EVA1A: variants seen among roughly 807,000 people sequenced by gnomAD.
EVA1A encodes eva-1 homolog A, regulator of programmed cell death, also known as protein eva-1 homolog A.
EVA1A carries 7 observed loss-of-function variants against 9.8 expected under a neutral mutation model. That is an observed-to-expected ratio of 0.71 (90% CI 0.41 to 1.34). EVA1A has a LOEUF of 1.34. Ranked by LOEUF, EVA1A falls within the 40% of genes most tolerant of loss-of-function variation. EVA1A has a pLI of 0.01. For synonymous variants in EVA1A, 90 were observed against 85.6 expected (o/e 1.05, Z -0.28); for missense variants, 206 against 205.9 (o/e 1.00, Z 0.00).
chr2:75,498,789 C>T (rs1205158916), intron 3 of EVA1A, among the ~76,000 whole-genome samples: 1 of 137,714 alleles, frequency 7.3e-6, no homozygotes, highest in Non-Finnish European at 1.5e-5. Flanking sequence ...TTTAAATTTG[C>T]ACCACACACA....
Position 75,517,698 on chromosome 2 carries a change from G to C in EVA1A, c.85+358C>G, listed in dbSNP as rs556481818. 2.0e-4 allele frequency: 132 copies of C among 672,528 alleles called. No homozygotes were observed. The African/African-American group carries it at 2.2e-3, about 11-fold the overall frequency. The allele number at this position is 672,528 out of a possible 1,614,324, so 41.7% of individuals were successfully genotyped here. On this transcript the variant is annotated intron_variant, in intron 3 of 3. Coordinates refer to ENST00000393913, the MANE Select transcript of EVA1A (RefSeq NM_001135032.2). Reference sequence around the variant, plus strand: ...AGTCTCACACACAGGCAGCCTGTGTGAGGTTAACTGCATAGAATAACCAGG... The same window carrying C: ...AGTCTCACACACAGGCAGCCTGTGTCAGGTTAACTGCATAGAATAACCAGG...
intron 3 of EVA1A, among the ~76,000 whole-genome samples, chr2:75,502,556 A>G (rs1674467704): frequency 6.6e-6 from 1 of 152,246 alleles, no homozygotes; most frequent in Admixed American, 6.5e-5. Context: ...GCACAAAGAG[A>G]CATAGATATG....
Position 75,533,546 on chromosome 2 carries a change from A to G in EVA1A, c.-191-11059T>C, listed in dbSNP as rs961705263. On this transcript the variant is annotated intron_variant, in intron 1 of 3. Coordinates refer to ENST00000393913, the MANE Select transcript of EVA1A (RefSeq NM_001135032.2). ...AGATATCAAGAAAGAAGAAAGCACA[A>G]ATATAGGTAAATACAATAGGCTTTC... Among the ~76,000 whole-genome samples the G allele has an allele frequency of 2.6e-5, 4 of 152,194 alleles. No individual in the cohort carries two copies. The South Asian group carries it at 8.3e-4, about 32-fold the overall frequency.
intron 2 of EVA1A, among the ~76,000 whole-genome samples, chr2:75,521,152 A>G (rs1162934307): frequency 6.6e-6 from 1 of 152,236 alleles, no homozygotes; most frequent in Admixed American, 6.5e-5. Context: ...CAAAACCACA[A>G]TGAAATATCA....
At chr2:75,507,753 G>T (rs1289614497) in intron 3 of EVA1A, among the ~76,000 whole-genome samples, 2 of 152,146 alleles carry the variant, frequency 1.3e-5, no homozygotes, top group Admixed American at 6.5e-5. Flanking sequence ...AGAGCTGCAG[G>T]TTCAGAATGG....
Position 75,493,194 on chromosome 2 carries a change from T to C in EVA1A, c.*42A>G. The C allele has an allele frequency of 1.3e-6, 2 of 1,568,910 alleles. No homozygotes were observed. The highest frequency in any genetic ancestry group is 8.6e-7 in the Non-Finnish European group (1 of 1,157,420). ...CCCACTGTCCCTGCAGACGCTCTCC[T>C]TTCCAGGCGGCCTCCAGTGGTTTCC... On this transcript the variant is annotated 3_prime_UTR_variant, in exon 4 of 4. Transcript: ENST00000393913.
Position 75,493,412 on chromosome 2 carries a change from G to T in EVA1A, c.283C>A (p.Leu95Ile), listed in dbSNP as rs772978200. ...AAGCGGCGGTGTCTCCGCACGGAGA[G>T]ATCGGACACGGTGTCCTCACTGCCA... ...EDGSEDTVSD[L>I]SVRRHRRFER... Residue 95 changes from leucine to isoleucine, a missense_variant, in exon 4 of 4, where the codon CTC becomes ATC. Transcript: ENST00000393913. 23 of 1,614,244 alleles carry T rather than the reference G, an allele frequency of 1.4e-5. No homozygotes were observed. The South Asian group carries it at 2.4e-4, about 17-fold the overall frequency.
At position 75,492,996 on chromosome 2, in the gene EVA1A, A is replaced by C; in HGVS notation, c.*240T>G. The C allele has an allele frequency of 1.8e-6, 1 of 548,744 alleles. No homozygotes were observed. Among genetic ancestry groups the C allele is most frequent in the African/African-American group, 1.9e-5 (1 of 52,618 alleles). 34.0% of individuals were successfully genotyped at this position (548,744 alleles called of 1,614,324 possible). A position where few individuals can be genotyped will look rare whatever the true frequency, so the allele number is the denominator to read the frequency against. On this transcript the variant is annotated 3_prime_UTR_variant, in exon 4 of 4. Coordinates refer to ENST00000393913, the MANE Select transcript of EVA1A (RefSeq NM_001135032.2). ...CTCCGATCTCCATCCACAGTGTTGG[A>C]GAGGATTTTTCAGCACCATTCCGAG...
At chr2:75,504,124 A>G (rs1185285112) in intron 3 of EVA1A, among the ~76,000 whole-genome samples, 1 of 152,142 alleles carries the variant, frequency 6.6e-6, no homozygotes, top group Non-Finnish European at 1.5e-5. Context: ...CTGTAAGAAC[A>G]TCTCTTGCCA....
chr2:75,520,426 T>C (rs1675193674), intron 2 of EVA1A, among the ~76,000 whole-genome samples: 1 of 152,206 alleles, frequency 6.6e-6, no homozygotes, highest in Non-Finnish European at 1.5e-5. Flanking sequence ...ATCTCACTCT[T>C]CCTGATTTCA....
intron 2 of EVA1A, among the ~76,000 whole-genome samples, chr2:75,518,434 T>C (rs1675095967): frequency 6.6e-6 from 1 of 152,110 alleles, no homozygotes; most frequent in African/African-American, 2.4e-5. Flanking sequence ...AAAACTATGC[T>C]TGCAAAAACT....
At chr2:75,551,146 A>G (rs924583507) in intron 1 of EVA1A, among the ~76,000 whole-genome samples, 1 of 152,090 alleles carries the variant, frequency 6.6e-6, no homozygotes, top group East Asian at 1.9e-4. Context: ...CAAAACAAAA[A>G]AAACCAAAAA....
At chr2:75,562,758 G>A (rs372463294), upstream of EVA1A, among the ~76,000 whole-genome samples, 43 of 152,350 alleles carry the variant, frequency 2.8e-4, no homozygotes, top group South Asian at 8.9e-3. Context: ...GTGATGAGAA[G>A]CGGGGTTTCC....
At chr2:75,545,006 C>T (rs1314330818) in intron 1 of EVA1A, among the ~76,000 whole-genome samples, 1 of 152,196 alleles carries the variant, frequency 6.6e-6, no homozygotes, top group Non-Finnish European at 1.5e-5. Context: ...ATTTTCATAA[C>T]ATTCTCATTG....
chr2:75,495,627 G>C (rs1674184313), intron 3 of EVA1A, among the ~76,000 whole-genome samples: 1 of 152,100 alleles, frequency 6.6e-6, no homozygotes, highest in South Asian at 2.1e-4. Flanking sequence ...TCTTGATGTT[G>C]TCATCCAAAT....
intron 1 of EVA1A, among the ~76,000 whole-genome samples, chr2:75,530,879 C>T (rs752800398): frequency 6.6e-6 from 1 of 152,018 alleles, no homozygotes; most frequent in Non-Finnish European, 1.5e-5. Context: ...TTCAATTAAA[C>T]ATAGTACTGG....
At chr2:75,498,475 CTAAAA>C (rs1674291617) in intron 3 of EVA1A, among the ~76,000 whole-genome samples, 2 of 151,938 alleles carry the variant, frequency 1.3e-5, no homozygotes, top group East Asian at 1.9e-4. Flanking sequence ...ACCCCCAAAA[CTAAAA>C]TAAAAGTAAA....
chr2:75,538,317 A>G (rs78414163), intron 1 of EVA1A, among the ~76,000 whole-genome samples: 2,162 of 152,284 alleles, frequency 0.014, 39 homozygotes, highest in African/African-American at 0.049. Context: ...ATAAAATAAA[A>G]TAAAACTAGT....
intron 1 of EVA1A, among the ~76,000 whole-genome samples, chr2:75,548,092 T>C (rs760609919): frequency 2.0e-5 from 3 of 152,212 alleles, no homozygotes; most frequent in Non-Finnish European, 4.4e-5. Context: ...AAACCTACAT[T>C]GAGTAGTTGG....
Sources: gnomAD v4.1 joint callset for allele counts (sites outside exome capture counted in the v4.1 genomes callset) on GRCh38, gnomAD v4.1.1 for gene constraint, MANE v1.5 for transcripts, NCBI Gene and HGNC (gene_info 2026-07-23, HGNC 2026-07-21) for gene names.